FABP12: variants seen among roughly 807,000 people sequenced by gnomAD.
FABP12 encodes the protein fatty acid binding protein 12.
Under a neutral mutation model 13.7 loss-of-function variants are expected in FABP12, and 19 were observed. That is an observed-to-expected ratio of 1.39 (90% CI 0.97 to 2.04). The LOEUF (loss-of-function observed/expected upper bound fraction) is 2.04. Among genes scored for constraint, FABP12 ranks in the 30% most tolerant of loss-of-function variants. The pLI, the probability that FABP12 is intolerant of heterozygous loss-of-function variation, is 0.00. For missense variants in FABP12, 182 were observed against 164.2 expected (o/e 1.11, Z -0.59); for synonymous variants, 61 against 57.0 (o/e 1.07, Z -0.32).
At chr8:81,543,920 C>G (rs555456828) in intron 1 of FABP12, among the ~76,000 whole-genome samples, 1 of 151,864 alleles carries the variant, frequency 6.6e-6, no homozygotes, top group Non-Finnish European at 1.5e-5. Flanking sequence ...GAGAGAGAGA[C>G]AGAGAGATGA....
chr8:81,532,912 A>G (rs1483673718), intron 1 of FABP12: 1 of 152,234 alleles, frequency 6.6e-6, no homozygotes, highest in Non-Finnish European at 1.5e-5. Flanking sequence ...GTGCTCATTC[A>G]ACTTAATAGG....
At chr8:81,539,433 C>CTTTTT (rs35386904) in intron 2 of FABP12, among the ~76,000 whole-genome samples, 1 of 50,018 alleles carries the variant, frequency 2.0e-5, no homozygotes, top group African/African-American at 8.0e-5. Context: ...TTCTTTAGTT[C>CTTTTT]TTTTTTTTTT....
At chr8:81,539,552 CTTAAGATTTAGGCAATAAA>C (rs141779261) in intron 2 of FABP12, among the ~76,000 whole-genome samples, 2,401 of 142,218 alleles carry the variant, frequency 0.017, 61 homozygotes, top group African/African-American at 0.059. Context: ...TACTGAAGAA[CTTAAGATTTAGGCAATAAA>C]ATAAATTAGT....
Position 81,524,997 on chromosome 8 carries a change from A to G in FABP12, c.*49T>C, listed in dbSNP as rs765231107. ...TAATAGTCGTAATATTTTACTTTGG[A>G]GTTTTATTTAAACAACCTCAGTAGT... On this transcript the variant is annotated 3_prime_UTR_variant, in exon 5 of 5. Coordinates refer to ENST00000360464, the Ensembl canonical transcript of FABP12. The G allele has an allele frequency of 9.1e-6, 11 of 1,207,702 alleles. No individual in the cohort carries two copies. In the African/African-American group the frequency reaches 1.5e-4, roughly 17 times the overall value. The allele number at this position is 1,207,702 out of a possible 1,614,324, so 74.8% of individuals were successfully genotyped here. A position where few individuals can be genotyped will look rare whatever the true frequency, so the allele number is the denominator to read the frequency against.
intron 1 of FABP12, among the ~76,000 whole-genome samples, chr8:81,566,041 T>C (rs1333990766): frequency 1.3e-5 from 2 of 152,020 alleles, no homozygotes; most frequent in African/African-American, 4.8e-5. Context: ...TAAGCAATTA[T>C]ATGCCAATAA....
intron 1 of FABP12, among the ~76,000 whole-genome samples, chr8:81,533,594 C>T (rs1481726455): frequency 6.6e-6 from 1 of 152,138 alleles, no homozygotes; most frequent in Non-Finnish European, 1.5e-5. Flanking sequence ...GTCCCCCCCA[C>T]ATCCCAAGTG....
intron 1 of FABP12, among the ~76,000 whole-genome samples, chr8:81,587,925 C>A (rs746230584): frequency 6.6e-6 from 1 of 152,126 alleles, no homozygotes; most frequent in Non-Finnish European, 1.5e-5. Context: ...ACAGTGCAGC[C>A]TTCAGTCAGT....
intron 1 of FABP12, among the ~76,000 whole-genome samples, chr8:81,554,853 T>C (rs998117855): frequency 4.6e-5 from 7 of 152,084 alleles, no homozygotes; most frequent in Admixed American, 4.6e-4. Context: ...TAAGAAAGTT[T>C]ACGAATTTGT....
In FABP12 at chr8:81,558,887, CAAAA is replaced by C. The variant is rs35682824; in HGVS notation, c.-184-19148_-184-19145del. On this transcript the variant is annotated intron_variant, in intron 1 of 5. Coordinates refer to the FABP12 transcript ENST00000692030. Reference sequence around the variant, plus strand: ...CCTGGGGGACAAAGTAAGGCTCCATCAAAAAAAAAAAAAAAAAAAAAAAAGAAGT... The same window carrying C: ...CCTGGGGGACAAAGTAAGGCTCCATCAAAAAAAAAAAAAAAAAAAAGAAGT... 4.4e-5 allele frequency among the ~76,000 whole-genome samples: 3 copies of C among 67,528 alleles called. No individual in the cohort carries two copies. The Admixed American group carries it at 5.2e-4, about 12-fold the overall frequency. 44.3% of individuals were successfully genotyped at this position (67,528 alleles called of 152,430 possible).
intron 1 of FABP12, among the ~76,000 whole-genome samples, chr8:81,576,932 AT>A (rs1017592700): frequency 2.0e-5 from 3 of 152,162 alleles, no homozygotes; most frequent in Non-Finnish European, 4.4e-5. Context: ...GGCAGAAGTT[AT>A]TTCTGTTTAT....
intron 1 of FABP12, among the ~76,000 whole-genome samples, chr8:81,553,669 G>A (rs1036107832): frequency 4.6e-5 from 7 of 152,136 alleles, no homozygotes; most frequent in Admixed American, 4.6e-4. Context: ...CGCAGTTCAG[G>A]CTTATCCCAC....
intron 1 of FABP12, among the ~76,000 whole-genome samples, chr8:81,589,872 G>C (rs1236744671): frequency 6.6e-6 from 1 of 152,110 alleles, no homozygotes; most frequent in Non-Finnish European, 1.5e-5. Context: ...ATGCTTTCTT[G>C]AATTTAAAAT....
intron 1 of FABP12, among the ~76,000 whole-genome samples, chr8:81,541,930 AAAAAAAAAAAAG>A: frequency 6.7e-6 from 1 of 149,802 alleles, no homozygotes; most frequent in South Asian, 2.1e-4. Flanking sequence ...AAAAAAAAAA[AAAAAAAAAAAAG>A]ACAAAGAAAA....
chr8:81,556,029 A>G (rs1809608968), intron 1 of FABP12, among the ~76,000 whole-genome samples: 1 of 152,190 alleles, frequency 6.6e-6, no homozygotes, highest in Non-Finnish European at 1.5e-5. Flanking sequence ...ATGCTTTTTT[A>G]ATGAGCAGAA....
chr8:81,533,412 A>G (rs1809135231), intron 1 of FABP12: 1 of 152,130 alleles, frequency 6.6e-6, no homozygotes, highest in South Asian at 2.1e-4. Context: ...CTTGTCTGCA[A>G]TTTTTCAGTC....
chr8:81,559,571 C>T (rs1228026689), intron 1 of FABP12, among the ~76,000 whole-genome samples: 1 of 152,150 alleles, frequency 6.6e-6, no homozygotes, highest in Non-Finnish European at 1.5e-5. Context: ...TTTCCCTTGC[C>T]ATGAGTCTAG....
At chr8:81,577,593 T>C (rs942531304) in intron 1 of FABP12, among the ~76,000 whole-genome samples, 1 of 152,122 alleles carries the variant, frequency 6.6e-6, no homozygotes, top group African/African-American at 2.4e-5. Context: ...ACCTTGTCTC[T>C]ATTAAAAACA....
intron 1 of FABP12, among the ~76,000 whole-genome samples, chr8:81,554,856 G>C (rs1050083670): frequency 2.6e-5 from 4 of 152,054 alleles, no homozygotes; most frequent in African/African-American, 9.7e-5. Flanking sequence ...GAAAGTTTAC[G>C]AATTTGTGTT....
At chr8:81,539,539 G>T (rs1809295982) in intron 2 of FABP12, among the ~76,000 whole-genome samples, 1 of 137,422 alleles carries the variant, frequency 7.3e-6, no homozygotes, top group East Asian at 2.4e-4. Flanking sequence ...TCTTTTGCGT[G>T]AATACTGAAG....
Sources: gnomAD v4.1 joint callset for allele counts (sites outside exome capture counted in the v4.1 genomes callset) on GRCh38, gnomAD v4.1.1 for gene constraint, MANE v1.5 for transcripts, NCBI Gene and HGNC (gene_info 2026-07-23, HGNC 2026-07-21) for gene names.